The following MEI4 variants were observed in gnomAD, a reference collection of about 807,000 sequenced individuals.
MEI4 encodes the protein meiosis-specific protein MEI4.
In MEI4, 27 loss-of-function variants were observed where a neutral mutation model predicts 31.4. That is an observed-to-expected ratio of 0.86 (90% CI 0.63 to 1.19). The LOEUF is 1.19. Among genes scored for constraint, MEI4 ranks in the 50% most tolerant of loss-of-function variants. MEI4 has a pLI of 0.00. For missense variants in MEI4, 329 were observed against 398.9 expected, an observed-to-expected ratio of 0.82 and a Z score of 1.49; for synonymous variants, 122 against 145.4, an observed-to-expected ratio of 0.84 and a Z score of 1.16.
intron 4 of MEI4, among the ~76,000 whole-genome samples, chr6:77,893,061 T>A (rs956518859): frequency 1.3e-5 from 2 of 152,146 alleles, no homozygotes; most frequent in African/African-American, 4.8e-5. Flanking sequence ...TCCAAGCCAA[T>A]CCTGGCCAGG....
chr6:77,747,600 T>G (rs1232905831), intron 2 of MEI4, among the ~76,000 whole-genome samples: 2 of 152,144 alleles, frequency 1.3e-5, no homozygotes, highest in Non-Finnish European at 2.9e-5. Context: ...GCCAGGTCCC[T>G]CCCTTGATAC....
At chr6:77,797,521 G>A (rs112987469) in intron 3 of MEI4, among the ~76,000 whole-genome samples, 7 of 152,242 alleles carry the variant, frequency 4.6e-5, no homozygotes, top group Admixed American at 1.3e-4. Flanking sequence ...GTGACTCAGT[G>A]TGAGTCTAAA....
intron 2 of MEI4, among the ~76,000 whole-genome samples, chr6:77,728,721 G>T (rs1470209851): frequency 6.6e-6 from 1 of 152,196 alleles, no homozygotes; most frequent in East Asian, 1.9e-4. Flanking sequence ...AGATTGGTTT[G>T]AGGCAGAAAG....
chr6:77,687,756 T>G (rs1769085030), intron 1 of MEI4, among the ~76,000 whole-genome samples: 1 of 152,006 alleles, frequency 6.6e-6, no homozygotes, highest in South Asian at 2.1e-4. Context: ...CATAGGGCCA[T>G]GTATGGGGGG....
intron 3 of MEI4, among the ~76,000 whole-genome samples, chr6:77,773,231 C>T (rs966692517): frequency 1.3e-5 from 2 of 151,858 alleles, no homozygotes; most frequent in African/African-American, 4.8e-5. Context: ...CCCAGAATAG[C>T]CAAAGGTATC....
At chr6:77,668,752 C>T (rs1215607454) in intron 1 of MEI4, among the ~76,000 whole-genome samples, 1 of 152,146 alleles carries the variant, frequency 6.6e-6, no homozygotes, top group East Asian at 1.9e-4. Flanking sequence ...CATACATACA[C>T]TATTATATCA....
At chr6:77,801,226 C>T (rs1033469636) in intron 3 of MEI4, among the ~76,000 whole-genome samples, 10 of 151,900 alleles carry the variant, frequency 6.6e-5, no homozygotes, top group African/African-American at 1.5e-4. Flanking sequence ...CTTGGGAGGG[C>T]GTATGTGTCA....
chr6:77,808,775 G>A (rs753982541), intron 3 of MEI4, among the ~76,000 whole-genome samples: 2 of 152,140 alleles, frequency 1.3e-5, no homozygotes, highest in African/African-American at 2.4e-5. Context: ...GGAAAAGAAA[G>A]GAAAGAAACA....
intron 4 of MEI4, among the ~76,000 whole-genome samples, chr6:77,878,450 A>G (rs539373630): frequency 1.4e-3 from 218 of 152,250 alleles, no homozygotes; most frequent in African/African-American, 4.9e-3. Flanking sequence ...ATAATAATAG[A>G]GAAATTATGG....
chr6:77,736,869 A>AT (rs34938051), intron 2 of MEI4, among the ~76,000 whole-genome samples: 127,116 of 151,926 alleles, frequency 0.84, 53,783 homozygotes, highest in African/African-American at 0.96. Flanking sequence ...TTTTAAAAGT[A>AT]TTTTGAAGGA....
At chr6:77,761,798 C>G (rs1473867813) in intron 3 of MEI4, 133 bp downstream of exon 3, 1 of 503,522 alleles carries the variant, frequency 2.0e-6, no homozygotes, top group Admixed American at 4.4e-5. Flanking sequence ...CTGCAGCTGT[C>G]TGCAGCTCTT....
chr6:77,788,381 T>C (rs573239802), intron 3 of MEI4, among the ~76,000 whole-genome samples: 204 of 152,234 alleles, frequency 1.3e-3, no homozygotes, highest in African/African-American at 4.6e-3. Flanking sequence ...CTATTCAACA[T>C]AGTGTTGGAA....
chr6:77,921,589 C>A (rs1459835325), intron 4 of MEI4, among the ~76,000 whole-genome samples: 3 of 151,818 alleles, frequency 2.0e-5, no homozygotes, highest in Admixed American at 1.3e-4. Context: ...TAGCTTTTGG[C>A]CTGTCTCAGA....
At position 77,797,585 on chromosome 6, in the gene MEI4, A is replaced by G. The variant is rs371804169; in HGVS notation, c.769-31346A>G. 5.1e-4 allele frequency among the ~76,000 whole-genome samples: 78 copies of G among 152,284 alleles called. 2 individuals are homozygous for G. In the South Asian group the frequency reaches 0.015, roughly 30 times the overall value. On this transcript the variant is annotated intron_variant, in intron 3 of 4. Transcript: ENST00000684080. ...TTCAGTCTGTAGTCAAAGGCCCGAG[A>G]TCCCCCGGCAAACCACTGATGTAAA... is the stretch of plus-strand genomic sequence containing the variant.
At chr6:77,753,273 G>A (rs1246430896) in intron 2 of MEI4, among the ~76,000 whole-genome samples, 1 of 152,154 alleles carries the variant, frequency 6.6e-6, no homozygotes, top group Admixed American at 6.5e-5. Flanking sequence ...AAACTAAAGA[G>A]CTTCTGCACA....
intron 3 of MEI4, among the ~76,000 whole-genome samples, chr6:77,810,195 T>C (rs1320359340): frequency 6.6e-6 from 1 of 152,130 alleles, no homozygotes; most frequent in East Asian, 1.9e-4. Context: ...GACAAGATAG[T>C]TTTAATGAGT....
At chr6:77,878,295 AC>A (rs1771394246) in intron 4 of MEI4, among the ~76,000 whole-genome samples, 1 of 152,182 alleles carries the variant, frequency 6.6e-6, no homozygotes. Flanking sequence ...ATTAAATACC[AC>A]TGATTATTGA....
chr6:77,904,502 C>T (rs1766250515), intron 4 of MEI4, among the ~76,000 whole-genome samples: 2 of 151,984 alleles, frequency 1.3e-5, no homozygotes, highest in Admixed American at 1.3e-4. Context: ...TATTGCTCTT[C>T]TCTTTTTGTC....
chr6:77,837,524 C>A (rs1006445034), intron 4 of MEI4, among the ~76,000 whole-genome samples: 1 of 152,134 alleles, frequency 6.6e-6, no homozygotes, highest in Non-Finnish European at 1.5e-5. Flanking sequence ...TAACTTATAG[C>A]CATGTATCAG....
Sources: allele counts gnomAD v4.1 joint callset (sites outside exome capture counted in the v4.1 genomes callset), GRCh38; gene constraint gnomAD v4.1.1; transcripts MANE v1.5; gene names NCBI Gene and HGNC (gene_info 2026-07-23, HGNC 2026-07-21).